MYL10: variants seen among roughly 807,000 people sequenced by gnomAD.
MYL10 encodes myosin light chain 10.
MYL10 carries 18 observed loss-of-function variants against 21.9 expected under a neutral mutation model. The ratio of observed to expected loss-of-function variants is 0.82; its 90% CI spans 0.57 to 1.22. The LOEUF is 1.22. Ranked by LOEUF, MYL10 falls within the 50% of genes most tolerant of loss-of-function variation. The probability of loss-of-function intolerance (pLI) is 0.00; values close to 1 mark genes in which losing one functional copy is unlikely to be tolerated. For synonymous variants in MYL10, 88 were observed against 82.8 expected, an observed-to-expected ratio of 1.06 and a Z score of -0.34; for missense variants, 225 against 230.4, an observed-to-expected ratio of 0.98 and a Z score of 0.15.
chr7:101,625,570 G>A (rs1161096339), intron 1 of MYL10, among the ~76,000 whole-genome samples: 2 of 150,094 alleles, frequency 1.3e-5, no homozygotes, highest in Non-Finnish European at 3.0e-5. Context: ...CCAGCTCACT[G>A]CTGTCCCCAC....
At chr7:101,621,332 T>C (rs1417751773) in intron 5 of MYL10, among the ~76,000 whole-genome samples, 2 of 151,982 alleles carry the variant, frequency 1.3e-5, no homozygotes, top group African/African-American at 2.4e-5. Context: ...GTCTCTTCAT[T>C]TGTGAATGAG....
rs1184788588 is a variant in MYL10, at chr7:101,623,993, C to T, written c.200G>A (p.Arg67His). Reference sequence around the variant, plus strand: ...GCAGTGAGCCGAGATCATGCCATTGCGCTCCAGCCTGGGCGACAGAGCCAG... The same window carrying T: ...GCAGTGAGCCGAGATCATGCCATTGTGCTCCAGCCTGGGCGACAGAGCCAG... ...ESLALSPRLE[R>H]NGMISAHCNL... The change falls in exon 3 of 8, where the codon CGC becomes CAC. Residue 67 changes from arginine to histidine, a missense_variant. Arg to His is a conservative substitution (Grantham distance 29). Transcript: ENST00000223167. 16 of 572,750 alleles carry T rather than the reference C, an allele frequency of 2.8e-5. No homozygotes were observed. Among genetic ancestry groups the T allele is most frequent in the Admixed American group, 5.9e-5 (2 of 33,974 alleles). 35.5% of individuals were successfully genotyped at this position (572,750 alleles called of 1,614,324 possible).
At chr7:101,621,084 C>G (rs1796672193) in intron 5 of MYL10, among the ~76,000 whole-genome samples, 1 of 151,894 alleles carries the variant, frequency 6.6e-6, no homozygotes, top group Admixed American at 6.6e-5. Flanking sequence ...CCACCGTGCC[C>G]GGCCTTGGCC....
In MYL10 at chr7:101,613,708, A is replaced by T. The variant is rs1796577036; in HGVS notation, c.536T>A (p.Ile179Asn). Residue 179 changes from isoleucine to asparagine, a missense_variant and splice_region_variant, in exon 7 of 8, where the codon ATC becomes AAC. Physicochemically the swap from Ile to Asn is moderately radical, Grantham distance 149. Transcript: ENST00000223167. ...EGKGFVKADVIKEKLMTQADR... is the reference protein window; with the variant it reads ...EGKGFVKADVNKEKLMTQADR... ...TGCCTGGGTCATAAGTTTTTCTTTG[A>T]TGCTGTTCAAGGGAGAGACACAGTC... is the stretch of plus-strand genomic sequence containing the variant. 1 of 1,613,872 alleles carries T rather than the reference A, an allele frequency of 6.2e-7. No individual in the cohort carries two copies. The highest frequency in any genetic ancestry group is 1.1e-5 in the South Asian group (1 of 91,072).
At chr7:101,613,806 G>A in intron 6 of MYL10, 96 bp from the exon 7 acceptor site, 3 of 1,162,052 alleles carry the variant, frequency 2.6e-6, no homozygotes, top group Middle Eastern at 2.1e-4. Flanking sequence ...GGGGGCAGGG[G>A]GACATCCTGG....
At chr7:101,616,574 C>T (rs190255301) in intron 5 of MYL10, among the ~76,000 whole-genome samples, 167 of 152,264 alleles carry the variant, frequency 1.1e-3, no homozygotes, top group South Asian at 2.1e-3. Context: ...ACACGGAGAC[C>T]CTGATTGAGC....
intron 5 of MYL10, among the ~76,000 whole-genome samples, chr7:101,619,722 C>A (rs1796653757): frequency 6.6e-6 from 1 of 151,194 alleles, no homozygotes; most frequent in African/African-American, 2.4e-5. Context: ...ACCCCATCTC[C>A]ACTAAAAATA....
rs747412574 is a variant in MYL10, at chr7:101,613,558, C to A, written c.598G>T (p.Ala200Ser). The A allele has an allele frequency of 2.5e-6, 4 of 1,614,040 alleles. No homozygotes were observed. Among genetic ancestry groups the A allele is most frequent in the Admixed American group, 3.3e-5 (2 of 60,002 alleles). ...CCGCACACATCTGGGGGAAATGCTG[C>A]AAACATCTGCTTGACCTGAGAAGGA... The part of the protein sequence containing the change: ...FSEEEVKQMF[A>S]AFPPDVCGNL... Residue 200 changes from alanine to serine, a missense_variant, in exon 8 of 8, where the codon GCA (alanine) becomes TCA (serine). Coordinates refer to ENST00000223167, the MANE Select transcript of MYL10 (RefSeq NM_138403.5).
In MYL10 at chr7:101,613,697, G is replaced by A; in HGVS notation, c.547C>T (p.Leu183Phe). Reference sequence around the variant, plus strand: ...CTGAAGCGGTCTGCCTGGGTCATAAGTTTTTCTTTGATGCTGTTCAAGGGA... The same window carrying A: ...CTGAAGCGGTCTGCCTGGGTCATAAATTTTTCTTTGATGCTGTTCAAGGGA... The part of the protein sequence containing the change: ...FVKADVIKEK[L>F]MTQADRFSEE... Residue 183 changes from leucine to phenylalanine, a missense_variant, in exon 7 of 8, where the codon CTT (leucine) becomes TTT (phenylalanine). Leu to Phe is a conservative substitution (Grantham distance 22). Coordinates refer to ENST00000223167, the MANE Select transcript of MYL10 (RefSeq NM_138403.5). 5 of 1,614,104 alleles carry A rather than the reference G, an allele frequency of 3.1e-6. No homozygotes were observed. The highest frequency in any genetic ancestry group is 4.2e-6 in the Non-Finnish European group (5 of 1,180,008).
At chr7:101,619,553 C>T (rs993892729) in intron 5 of MYL10, among the ~76,000 whole-genome samples, 4 of 152,092 alleles carry the variant, frequency 2.6e-5, no homozygotes, top group African/African-American at 9.7e-5. Flanking sequence ...GATGTCAGGT[C>T]GGATCACCCT....
chr7:101,614,743 G>A (rs1165683641), intron 6 of MYL10, among the ~76,000 whole-genome samples: 1 of 152,152 alleles, frequency 6.6e-6, no homozygotes, highest in Non-Finnish European at 1.5e-5. Context: ...GTGACTCATG[G>A]TCTTGGAGTT....
chr7:101,621,490 G>T (rs1409259801), intron 5 of MYL10, among the ~76,000 whole-genome samples: 1 of 152,138 alleles, frequency 6.6e-6, no homozygotes, highest in Non-Finnish European at 1.5e-5. Context: ...CATGTGCAGA[G>T]CGGGTAAAAG....
intron 6 of MYL10, among the ~76,000 whole-genome samples, chr7:101,614,689 A>C (rs1796588278): frequency 6.6e-6 from 1 of 152,104 alleles, no homozygotes; most frequent in South Asian, 2.1e-4. Flanking sequence ...AGGACTGTGG[A>C]CTGCAGCAAC....
Position 101,613,536 on chromosome 7 carries a change from C to T in MYL10, c.620G>A (p.Cys207Tyr), listed in dbSNP as rs1796573351. Residue 207 changes from cysteine to tyrosine, a missense_variant, in exon 8 of 8, where the codon TGC becomes TAC. Physicochemically the swap from Cys to Tyr is radical, Grantham distance 194 (BLOSUM62 -2). Coordinates refer to ENST00000223167, the MANE Select transcript of MYL10 (RefSeq NM_138403.5). Reference protein sequence around the residue: ...QMFAAFPPDVCGNLDYRNLCY... With the variant: ...QMFAAFPPDVYGNLDYRNLCY... ...CAGGTTTCTGTAGTCCAGGTTGCCG[C>T]ACACATCTGGGGGAAATGCTGCAAA... is the stretch of plus-strand genomic sequence containing the variant. 6.2e-7 allele frequency: 1 copy of T among 1,614,028 alleles called. No individual in the cohort carries two copies. Among genetic ancestry groups the T allele is most frequent in the Non-Finnish European group, 8.5e-7 (1 of 1,180,046 alleles).
chr7:101,628,855 C>CATA (rs201124903), intron 1 of MYL10, among the ~76,000 whole-genome samples, 186 bp downstream of exon 1: 2,349 of 152,268 alleles, frequency 0.015, 50 homozygotes, highest in African/African-American at 0.054. Flanking sequence ...AAGGGAATAT[C>CATA]ATAATAATAA....
chr7:101,621,852 C>T (rs190367811), intron 5 of MYL10, among the ~76,000 whole-genome samples: 1 of 152,260 alleles, frequency 6.6e-6, no homozygotes, highest in East Asian at 1.9e-4. Flanking sequence ...TCCCTAAGTG[C>T]TGGGATTACA....
At chr7:101,615,601 C>CG (rs928271952) in intron 6 of MYL10, among the ~76,000 whole-genome samples, 32 of 143,574 alleles carry the variant, frequency 2.2e-4, no homozygotes, top group Non-Finnish European at 3.8e-4. Context: ...CTGTTCCCCC[C>CG]CTAGCCTGGG....
chr7:101,627,074 T>C (rs1002755773), intron 1 of MYL10, among the ~76,000 whole-genome samples: 1 of 151,522 alleles, frequency 6.6e-6, no homozygotes, highest in African/African-American at 2.4e-5. Flanking sequence ...GGTGAATCAC[T>C]TGAGGTCAGG....
At position 101,629,099 on chromosome 7, in the gene MYL10, G is replaced by A. The variant is rs747816910; in HGVS notation, c.20C>T (p.Ser7Leu). 4.6e-5 allele frequency: 18 copies of A among 395,354 alleles called. No homozygotes were observed. Among genetic ancestry groups the A allele is most frequent in the South Asian group, 3.2e-4 (18 of 56,202 alleles). 24.5% of individuals were successfully genotyped at this position (395,354 alleles called of 1,614,324 possible). MLLRLV[S>L]NSWPQVILPP... is the part of the protein sequence containing the mutation. Reference sequence around the variant, plus strand: ...GAGGATCACTTGAGGCCAGGAGTTTGAGACCAGCCTAAGCAACATGGTGAA... The same window carrying A: ...GAGGATCACTTGAGGCCAGGAGTTTAAGACCAGCCTAAGCAACATGGTGAA... The change falls in exon 1 of 8, where the codon TCA (serine) becomes TTA (leucine). Residue 7 changes from serine to leucine, a missense_variant. Transcript: ENST00000223167.
Sources: allele counts gnomAD v4.1 joint callset (sites outside exome capture counted in the v4.1 genomes callset), GRCh38; gene constraint gnomAD v4.1.1; transcripts MANE v1.5; gene names NCBI Gene and HGNC (gene_info 2026-07-23, HGNC 2026-07-21).